GRIN2A: variants seen among roughly 807,000 people sequenced by gnomAD.
GRIN2A encodes the protein glutamate ionotropic receptor NMDA type subunit 2A, also known as glutamate receptor ionotropic, NMDA 2A.
Under a neutral mutation model 113.4 loss-of-function variants are expected in GRIN2A, and 22 were observed. That is an observed-to-expected ratio of 0.19 (90% CI 0.14 to 0.28). The LOEUF (loss-of-function observed/expected upper bound fraction) is 0.28. GRIN2A is among the 10% of genes least tolerant of loss of function. The pLI is 1.00. For synonymous variants in GRIN2A, 827 were observed against 738.4 expected (o/e 1.12, Z -1.94); for missense variants, 1,502 against 1,887.0 (o/e 0.80, Z 3.78).
intron 2 of GRIN2A, among the ~76,000 whole-genome samples, chr16:9,939,297 G>A (rs1484904034): frequency 3.9e-5 from 6 of 152,188 alleles, no homozygotes; most frequent in Non-Finnish European, 7.4e-5. Flanking sequence ...GAGGAATCCC[G>A]AGGATGCACT....
chr16:10,131,770 C>T (rs1214362063), intron 2 of GRIN2A, among the ~76,000 whole-genome samples: 1 of 152,190 alleles, frequency 6.6e-6, no homozygotes, highest in Admixed American at 6.5e-5. Context: ...TTGTAACACA[C>T]TTGTGCCCCT....
chr16:9,863,799 A>C (rs749183661), intron 4 of GRIN2A, among the ~76,000 whole-genome samples: 4 of 152,226 alleles, frequency 2.6e-5, no homozygotes, highest in Non-Finnish European at 5.9e-5. Context: ...TGGCCAACAC[A>C]ACACAATTCT....
At chr16:9,885,016 T>A (rs1053015473) in intron 4 of GRIN2A, among the ~76,000 whole-genome samples, 1 of 151,956 alleles carries the variant, frequency 6.6e-6, no homozygotes, top group Non-Finnish European at 1.5e-5. Flanking sequence ...GGATTACAGG[T>A]GTGAGCCACC....
At chr16:9,973,134 T>A (rs1309136405) in intron 2 of GRIN2A, among the ~76,000 whole-genome samples, 1 of 152,156 alleles carries the variant, frequency 6.6e-6, no homozygotes, top group Non-Finnish European at 1.5e-5. Flanking sequence ...CAAGTACCGA[T>A]CTTAGGTTTT....
chr16:9,936,533 C>A (rs1459991968), intron 3 of GRIN2A, among the ~76,000 whole-genome samples: 1 of 152,114 alleles, frequency 6.6e-6, no homozygotes, highest in Non-Finnish European at 1.5e-5. Context: ...GAACATCAGG[C>A]AAAACCATGC....
At chr16:9,877,327 T>C (rs9921420) in intron 4 of GRIN2A, among the ~76,000 whole-genome samples, 54,073 of 151,970 alleles carry the variant, frequency 0.36, 11,129 homozygotes, top group African/African-American at 0.58. Context: ...ACAGTCAATC[T>C]CCTTCCTCTA....
chr16:9,849,302 A>T (rs1325163468), intron 5 of GRIN2A, among the ~76,000 whole-genome samples: 1 of 149,574 alleles, frequency 6.7e-6, no homozygotes, highest in Non-Finnish European at 1.5e-5. Flanking sequence ...TATTAAAAAT[A>T]TAAAGATATT....
At chr16:10,173,254 G>T (rs780314977) in intron 2 of GRIN2A, among the ~76,000 whole-genome samples, 1 of 152,198 alleles carries the variant, frequency 6.6e-6, no homozygotes, top group Non-Finnish European at 1.5e-5. Context: ...CCAACATTCC[G>T]ATCTGTGCGT....
intron 2 of GRIN2A, among the ~76,000 whole-genome samples, chr16:9,952,462 A>G (rs755375956): frequency 1.3e-5 from 2 of 151,954 alleles, no homozygotes; most frequent in Non-Finnish European, 2.9e-5. Flanking sequence ...AACACATGCA[A>G]AAAAAAAGAA....
Position 10,142,221 on chromosome 16 carries a change from A to T in GRIN2A, c.414+37777T>A, listed in dbSNP as rs1024335027. ...GAAATGAGAGCAAAGTAAGGAAGTT[A>T]TATAAGGGTCACACACACACACACT... On this transcript the variant is annotated intron_variant, in intron 2 of 12. Coordinates refer to ENST00000330684, the MANE Select transcript of GRIN2A (RefSeq NM_001134407.3). Among the ~76,000 whole-genome samples, 8 of 152,186 alleles carry T rather than the reference A, an allele frequency of 5.3e-5. No individual in the cohort carries two copies. The East Asian group carries it at 1.3e-3, about 26-fold the overall frequency.
In GRIN2A at chr16:9,822,304, G is replaced by C; in HGVS notation, c.2128C>G (p.Gln710Glu). ...YMHQYMTKFN[Q>E]KGVEDALVSL... ...ACCAAGGCGTCCTCTACTCCTTTCT[G>C]ATTAAATTTGGTCATGTACTGATGC... The change falls in exon 10 of 13, where the codon CAG becomes GAG. Residue 710 changes from glutamine (Q) to glutamate (E), a missense_variant. Gln to Glu is a conservative substitution (Grantham distance 29). This residue lies in a region of GRIN2A where 101 missense variants were observed against 240.4 expected (regional missense o/e 0.42). Transcript: ENST00000330684. 1 of 1,613,496 alleles carries C rather than the reference G, an allele frequency of 6.2e-7. No homozygotes were observed. Among genetic ancestry groups the C allele is most frequent in the Non-Finnish European group, 8.5e-7 (1 of 1,179,490 alleles).
chr16:10,079,318 T>C (rs139579869), intron 2 of GRIN2A, among the ~76,000 whole-genome samples: 48 of 152,166 alleles, frequency 3.2e-4, no homozygotes, highest in African/African-American at 1.1e-3. Context: ...GACTGGGTAG[T>C]CAGGGAAGGC....
intron 3 of GRIN2A, among the ~76,000 whole-genome samples, chr16:9,894,445 C>G (rs1181964577): frequency 6.6e-6 from 1 of 152,156 alleles, no homozygotes; most frequent in African/African-American, 2.4e-5. Context: ...ATTATCTAGA[C>G]AATTGAAACT....
chr16:10,134,009 C>T (rs2142228383), intron 2 of GRIN2A, among the ~76,000 whole-genome samples: 1 of 151,802 alleles, frequency 6.6e-6, no homozygotes, highest in Non-Finnish European at 1.5e-5. Flanking sequence ...GTGGTGAAAC[C>T]CCACCTCTGA....
At chr16:9,827,195 A>C (rs1208549597) in intron 9 of GRIN2A, among the ~76,000 whole-genome samples, 3 of 152,270 alleles carry the variant, frequency 2.0e-5, no homozygotes, top group Non-Finnish European at 2.9e-5. Flanking sequence ...CATGGCTTTA[A>C]AAACATTATA....
intron 4 of GRIN2A, among the ~76,000 whole-genome samples, chr16:9,875,328 C>A (rs999186853): frequency 6.6e-6 from 1 of 152,114 alleles, no homozygotes; most frequent in African/African-American, 2.4e-5. Flanking sequence ...GAGACCAATG[C>A]TGAGAATATG....
chr16:9,783,150 G>A (rs1325591377), intron 11 of GRIN2A, among the ~76,000 whole-genome samples: 3 of 152,148 alleles, frequency 2.0e-5, no homozygotes, highest in Non-Finnish European at 1.5e-5. Context: ...GTATACATGA[G>A]GTTTATGTAC....
At chr16:9,800,514 T>C (rs767937109) in intron 10 of GRIN2A, among the ~76,000 whole-genome samples, 4 of 152,114 alleles carry the variant, frequency 2.6e-5, no homozygotes, top group Non-Finnish European at 5.9e-5. Flanking sequence ...AAACACTGCA[T>C]CTTTTCAGAG....
chr16:10,167,821 G>T (rs546485541), intron 2 of GRIN2A, among the ~76,000 whole-genome samples: 82 of 152,280 alleles, frequency 5.4e-4, no homozygotes, highest in African/African-American at 1.9e-3. Flanking sequence ...AGCAATTTCA[G>T]GTTCGTTTTT....
Sources: gnomAD v4.1 joint callset for allele counts (sites outside exome capture counted in the v4.1 genomes callset) on GRCh38, gnomAD v4.1.1 for gene constraint, gnomAD v4.1.1 regional missense constraint, MANE v1.5 for transcripts, NCBI Gene and HGNC (gene_info 2026-07-23, HGNC 2026-07-21) for gene names.